Variants in GPR32 observed in about 807,000 individuals in gnomAD.
The protein encoded by GPR32 is G protein-coupled receptor 32.
For missense variants in GPR32, 433 were observed against 454.1 expected (o/e 0.95, Z 0.42); for synonymous variants, 215 against 195.3 (o/e 1.10, Z -0.84).
rs2089398844 is a variant in GPR32 at position 50,771,233 on chromosome 19, G to A, written c.633G>A (p.Glu211=). 1 of 1,614,090 alleles carries A rather than the reference G, an allele frequency of 6.2e-7. No homozygotes were observed. Among genetic ancestry groups the A allele is most frequent in the South Asian group, 1.1e-5 (1 of 91,090 alleles). The change falls in exon 1 of 1, where the codon GAG becomes GAA. Residue 211 remains glutamate, a synonymous_variant. Coordinates refer to ENST00000270590, the MANE Select transcript of GPR32 (RefSeq NM_001506.2). ...TAQIWIEGVV[E]GHIIGTIGHF... ...AGATTTGGATTGAAGGGGTCGTGGAGGGACACATTATAGGGACCATTGGCC... is the reference window on the plus strand; with the variant it reads ...AGATTTGGATTGAAGGGGTCGTGGAAGGACACATTATAGGGACCATTGGCC...
Position 50,771,019 on chromosome 19 carries a change from G to T in GPR32, c.419G>T (p.Cys140Phe). ...CLLVFISVDR[C>F]ISVLYPVWAL... is the part of the protein sequence containing the mutation. The stretch of plus-strand genomic sequence containing the variant: ...CTTGTCTTCATCTCTGTGGACCGTT[G>T]CATCTCTGTCCTCTACCCCGTCTGG... Residue 140 changes from cysteine to phenylalanine, a missense_variant, in exon 1 of 1, where the codon TGC (cysteine) becomes TTC (phenylalanine). Physicochemically the swap from Cys to Phe is radical, Grantham distance 205. Coordinates refer to ENST00000270590, the MANE Select transcript of GPR32 (RefSeq NM_001506.2). The T allele has an allele frequency of 6.2e-7, 1 of 1,614,102 alleles. No individual in the cohort carries two copies. Among genetic ancestry groups the T allele is most frequent in the East Asian group, 2.2e-5 (1 of 44,880 alleles).
chr19:50,770,573 T>A lies in GPR32; in HGVS notation c.-28T>A. On this transcript the variant is annotated 5_prime_UTR_variant, in exon 1 of 1. Coordinates refer to ENST00000270590, the MANE Select transcript of GPR32 (RefSeq NM_001506.2). ...CTAAAAGAATAATAATAATAAGCATTCCATAAAAATTATGGAATGGAGAAA... is the reference window on the plus strand; with the variant it reads ...CTAAAAGAATAATAATAATAAGCATACCATAAAAATTATGGAATGGAGAAA... 7.2e-7 allele frequency: 1 copy of A among 1,389,616 alleles called. No individual in the cohort carries two copies. Among genetic ancestry groups the A allele is most frequent in the Non-Finnish European group, 9.9e-7 (1 of 1,014,308 alleles). 86.1% of individuals were successfully genotyped at this position (1,389,616 alleles called of 1,614,324 possible).
chr19:50,770,968 T>G lies in GPR32; in HGVS notation c.368T>G (p.Leu123Arg), dbSNP rs946258942. 9.3e-6 allele frequency: 15 copies of G among 1,614,038 alleles called. No individual in the cohort carries two copies. Among genetic ancestry groups the G allele is most frequent in the African/African-American group, 2.7e-5 (2 of 74,932 alleles). The change falls in exon 1 of 1, where the codon CTC becomes CGC. Residue 123 changes from leucine (L) to arginine (R), a missense_variant. Coordinates refer to ENST00000270590, the MANE Select transcript of GPR32 (RefSeq NM_001506.2). Reference sequence around the variant, plus strand: ...AAACTCTACATCACCTTTGTGTTCCTCAGCTACTTTGCCAGTAACTGCCTC... The same window carrying G: ...AAACTCTACATCACCTTTGTGTTCCGCAGCTACTTTGCCAGTAACTGCCTC... ...ACKLYITFVFLSYFASNCLLV... is the reference protein window; with the variant it reads ...ACKLYITFVFRSYFASNCLLV...
Position 50,770,683 on chromosome 19 carries a change from A to G in GPR32, c.83A>G (p.Lys28Arg), listed in dbSNP as rs1337532475. Residue 28 changes from lysine to arginine, a missense_variant, in exon 1 of 1, where the codon AAG becomes AGG. Lys to Arg is a conservative substitution (Grantham distance 26). Coordinates refer to ENST00000270590, the MANE Select transcript of GPR32 (RefSeq NM_001506.2). ...VLTRDRSCSRKMNSSGCLSEE... is the reference protein window; with the variant it reads ...VLTRDRSCSRRMNSSGCLSEE... Reference sequence around the variant, plus strand: ...ACACGTGATCGCTCTTGTTCCAGGAAGATGAACTCTTCCGGATGCCTGTCT... The same window carrying G: ...ACACGTGATCGCTCTTGTTCCAGGAGGATGAACTCTTCCGGATGCCTGTCT... The G allele has an allele frequency of 6.2e-7, 1 of 1,614,130 alleles. No individual in the cohort carries two copies. The highest frequency in any genetic ancestry group is 8.5e-7 in the Non-Finnish European group (1 of 1,179,994).
chr19:50,770,496 C>T lies in GPR32; in HGVS notation c.-105C>T, dbSNP rs1397499572. 7 of 740,478 alleles carry T rather than the reference C, an allele frequency of 9.5e-6. No individual in the cohort carries two copies. Among genetic ancestry groups the T allele is most frequent in the Non-Finnish European group, 1.5e-5 (7 of 465,886 alleles). 45.9% of individuals were successfully genotyped at this position (740,478 alleles called of 1,614,324 possible). ...CCTAGGAGGTGGAGGCTGCAGTGAT[C>T]TGTGATTGTACCTTTGCACTCCAGC... On this transcript the variant is annotated 5_prime_UTR_variant, in exon 1 of 1. Transcript: ENST00000270590.
rs770741854 is a variant in GPR32, at chr19:50,771,198, G to A, written c.598G>A (p.Glu200Lys). 6.2e-7 allele frequency: 1 copy of A among 1,614,234 alleles called. No homozygotes were observed. Among genetic ancestry groups the A allele is most frequent in the Non-Finnish European group, 8.5e-7 (1 of 1,180,046 alleles). ...HCYLAFNSDN[E>K]TAQIWIEGVV... is the part of the protein sequence containing the mutation. ...CTACTTGGCGTTCAACTCTGACAAT[G>A]AGACTGCCCAGATTTGGATTGAAGG... The change falls in exon 1 of 1, where the codon GAG (glutamate) becomes AAG (lysine). Residue 200 changes from glutamate (E) to lysine (K), a missense_variant. Physicochemically the swap from Glu to Lys is moderately conservative, Grantham distance 56. Coordinates refer to ENST00000270590, the MANE Select transcript of GPR32 (RefSeq NM_001506.2).
At position 50,771,182 on chromosome 19, in the gene GPR32, G is replaced by C. The variant is rs371867808; in HGVS notation, c.582G>C (p.Ala194=). The change falls in exon 1 of 1, where the codon GCG becomes GCC. Residue 194 remains alanine (A), a synonymous_variant. Coordinates refer to ENST00000270590, the MANE Select transcript of GPR32 (RefSeq NM_001506.2). The part of the protein sequence containing the change: ...KWNGCTHCYL[A]FNSDNETAQI... ...ATGGCTGTACGCACTGCTACTTGGC[G>C]TTCAACTCTGACAATGAGACTGCCC... 2 of 1,614,102 alleles carry C rather than the reference G, an allele frequency of 1.2e-6. No homozygotes were observed. Among genetic ancestry groups the C allele is most frequent in the Non-Finnish European group, 1.7e-6 (2 of 1,180,046 alleles).
In GPR32 at chr19:50,771,039, G is replaced by A. The variant is rs750300251; in HGVS notation, c.439G>A (p.Val147Ile). The A allele has an allele frequency of 6.2e-6, 10 of 1,613,922 alleles. No homozygotes were observed. In the East Asian group the frequency reaches 2.2e-4, roughly 36 times the overall value. ...CCGTTGCATCTCTGTCCTCTACCCC[G>A]TCTGGGCCCTGAACCACCGCACTGT... ...VDRCISVLYP[V>I]WALNHRTVQR... Residue 147 changes from valine (V) to isoleucine (I), a missense_variant, in exon 1 of 1, where the codon GTC becomes ATC. Val to Ile is a conservative substitution (Grantham distance 29). Transcript: ENST00000270590.
In GPR32 at chr19:50,770,937, G is replaced by T; in HGVS notation, c.337G>T (p.Ala113Ser). ...CAGGCAGTGGCTCCTCGGAGAGTGG[G>T]CCTGCAAACTCTACATCACCTTTGT... Reference protein sequence around the residue: ...VSRQWLLGEWACKLYITFVFL... With the variant: ...VSRQWLLGEWSCKLYITFVFL... The change falls in exon 1 of 1, where the codon GCC (alanine) becomes TCC (serine). Residue 113 changes from alanine (A) to serine (S), a missense_variant. Transcript: ENST00000270590. The T allele has an allele frequency of 6.2e-7, 1 of 1,614,128 alleles. No individual in the cohort carries two copies. Among genetic ancestry groups the T allele is most frequent in the Non-Finnish European group, 8.5e-7 (1 of 1,180,008 alleles).
the GPR32 span, chr19:50,771,617 TG>T: frequency 6.2e-7 from 1 of 1,613,980 alleles, no homozygotes; most frequent in African/African-American, 1.3e-5. Context: ...CGAGGGCGTT[TG>T]GAGAGGAGGA....
chr19:50,770,881 C>T lies in GPR32; in HGVS notation c.281C>T (p.Ser94Phe). The T allele has an allele frequency of 6.2e-7, 1 of 1,614,202 alleles. No individual in the cohort carries two copies. The highest frequency in any genetic ancestry group is 8.5e-7 in the Non-Finnish European group (1 of 1,180,036). The change falls in exon 1 of 1, where the codon TCT (serine) becomes TTT (phenylalanine). Residue 94 changes from serine to phenylalanine, a missense_variant. Transcript: ENST00000270590. ...LALADFMLSL[S>F]LPIAMYYIVS... ...CTTGCCGATTTCATGCTCTCACTGTCTCTGCCCATTGCCATGTACTATATT... is the reference window on the plus strand; with the variant it reads ...CTTGCCGATTTCATGCTCTCACTGTTTCTGCCCATTGCCATGTACTATATT...
At chr19:50,771,034 AC>A in the GPR32 span, 2 of 1,612,832 alleles carry the variant, frequency 1.2e-6, no homozygotes, top group Non-Finnish European at 1.7e-6. Flanking sequence ...TCTGTCCTCT[AC>A]CCCGTCTGGG....
At position 50,771,476 on chromosome 19, in the gene GPR32, C is replaced by T. The variant is rs758507465; in HGVS notation, c.876C>T (p.Pro292=). Residue 292 remains proline, a synonymous_variant, in exon 1 of 1, where the codon CCC becomes CCT. Coordinates refer to ENST00000270590, the MANE Select transcript of GPR32 (RefSeq NM_001506.2). ...TGATGCTCAAGGAAATCTACCACCC[C>T]CGGATGCTGCTCATCCTCCAGGCTA... ...RRVMLKEIYH[P]RMLLILQASF... The T allele has an allele frequency of 1.2e-6, 2 of 1,614,216 alleles. No individual in the cohort carries two copies. The highest frequency in any genetic ancestry group is 1.7e-6 in the Non-Finnish European group (2 of 1,180,036).
rs2089397144 is a variant in GPR32, at chr19:50,771,026, T to C, written c.426T>C (p.Ser142=). Reference sequence around the variant, plus strand: ...TCATCTCTGTGGACCGTTGCATCTCTGTCCTCTACCCCGTCTGGGCCCTGA... The same window carrying C: ...TCATCTCTGTGGACCGTTGCATCTCCGTCCTCTACCCCGTCTGGGCCCTGA... ...LVFISVDRCI[S]VLYPVWALNH... Residue 142 remains serine, a synonymous_variant, in exon 1 of 1, where the codon TCT becomes TCC. Coordinates refer to ENST00000270590, the MANE Select transcript of GPR32 (RefSeq NM_001506.2). The C allele has an allele frequency of 1.9e-6, 3 of 1,614,238 alleles. No individual in the cohort carries two copies. Among genetic ancestry groups the C allele is most frequent in the African/African-American group, 1.3e-5 (1 of 75,078 alleles).
chr19:50,770,779 G>A lies in GPR32; in HGVS notation c.179G>A (p.Gly60Asp). ...GCGTCCATTGTCGTCGGAGTGCTGG[G>A]CAATGGGCTGGTGCTGTGGATGACT... ...LSASIVVGVL[G>D]NGLVLWMTVF... The change falls in exon 1 of 1, where the codon GGC becomes GAC. Residue 60 changes from glycine to aspartate, a missense_variant. Gly to Asp is a moderately conservative substitution (Grantham distance 94). Coordinates refer to ENST00000270590, the MANE Select transcript of GPR32 (RefSeq NM_001506.2). 1 of 1,614,158 alleles carries A rather than the reference G, an allele frequency of 6.2e-7. No homozygotes were observed. The highest frequency in any genetic ancestry group is 8.5e-7 in the Non-Finnish European group (1 of 1,180,020).
At chr19:50,771,161 CT>C in the GPR32 span, 1 of 1,614,248 alleles carries the variant, frequency 6.2e-7, no homozygotes, top group Non-Finnish European at 8.5e-7. Flanking sequence ...AATGGAATGG[CT>C]GTACGCACTG....
In GPR32 at chr19:50,771,082, T is replaced by G; in HGVS notation, c.482T>G (p.Leu161Arg). 6.2e-7 allele frequency: 1 copy of G among 1,614,208 alleles called. No homozygotes were observed. The highest frequency in any genetic ancestry group is 8.5e-7 in the Non-Finnish European group (1 of 1,180,036). Residue 161 changes from leucine (L) to arginine (R), a missense_variant, in exon 1 of 1, where the codon CTG becomes CGG. Transcript: ENST00000270590. The part of the protein sequence containing the change: ...NHRTVQRASW[L>R]AFGVWLLAAA... ...CGCACTGTGCAGCGGGCGAGCTGGC[T>G]GGCCTTTGGGGTGTGGCTCCTGGCC...
rs2089396851 is a variant in GPR32 at position 50,771,003 on chromosome 19, A to G, written c.403A>G (p.Ile135Val). The change falls in exon 1 of 1, where the codon ATC becomes GTC. Residue 135 changes from isoleucine to valine, a missense_variant. Physicochemically the swap from Ile to Val is conservative, Grantham distance 29. Coordinates refer to ENST00000270590, the MANE Select transcript of GPR32 (RefSeq NM_001506.2). The stretch of plus-strand genomic sequence containing the variant: ...TGCCAGTAACTGCCTCCTTGTCTTC[A>G]TCTCTGTGGACCGTTGCATCTCTGT... ...YFASNCLLVF[I>V]SVDRCISVLY... is the part of the protein sequence containing the mutation. 1 of 1,613,404 alleles carries G rather than the reference A, an allele frequency of 6.2e-7. No homozygotes were observed.
chr19:50,771,154 G>A, the GPR32 span: 1 of 1,614,174 alleles, frequency 6.2e-7, no homozygotes, highest in East Asian at 2.2e-5. Context: ...ACCAGAAAAT[G>A]GAATGGCTGT....
Sources: allele counts gnomAD v4.1 joint callset, GRCh38; gene constraint gnomAD v4.1.1; transcripts MANE v1.5; gene names NCBI Gene and HGNC (gene_info 2026-07-23, HGNC 2026-07-21).